RELCH: variants seen among roughly 807,000 people sequenced by gnomAD.
RELCH encodes the protein RAB11-binding protein RELCH.
A neutral mutation model predicts 150.3 loss-of-function variants in RELCH; 41 were observed. That is an observed-to-expected ratio of 0.27 (90% CI 0.21 to 0.35). The LOEUF is 0.35. Among genes scored for constraint, RELCH ranks in the 10% least tolerant of loss-of-function variants. RELCH has a pLI of 1.00. For missense variants in RELCH, 1,092 were observed against 1,467.8 expected, an observed-to-expected ratio of 0.74 and a Z score of 4.18; for synonymous variants, 478 against 531.8, an observed-to-expected ratio of 0.90 and a Z score of 1.39.
At position 62,228,527 on chromosome 18, in the gene RELCH, G is replaced by A. The variant is rs779443028; in HGVS notation, c.1377G>A (p.Arg459=). ...PKENSPNSFP[R]REREGMPPSS... ...AGAATTCCCCAAATTCATTCCCCAG[G>A]AGAGAAAGAGAAGGAATGCCACCTT... Residue 459 remains arginine, a synonymous_variant, in exon 8 of 29, where the codon AGG becomes AGA. Transcript: ENST00000644646. The A allele has an allele frequency of 1.5e-5, 24 of 1,612,872 alleles. No individual in the cohort carries two copies. The East Asian group carries it at 3.8e-4, about 26-fold the overall frequency.
intron 27 of RELCH, among the ~76,000 whole-genome samples, chr18:62,293,106 G>A (rs948183367): frequency 5.9e-5 from 9 of 152,038 alleles, no homozygotes; most frequent in South Asian, 4.2e-4. Flanking sequence ...ATATAACATC[G>A]TCTTTTCTTC....
At chr18:62,211,864 T>C (rs1456555526) in intron 2 of RELCH, among the ~76,000 whole-genome samples, 2 of 152,178 alleles carry the variant, frequency 1.3e-5, no homozygotes, top group African/African-American at 2.4e-5. Context: ...CCCTGAGTGC[T>C]CACCAACCAT....
intron 12 of RELCH, 93 bp downstream of exon 12, chr18:62,252,847 G>A (rs2042792390): frequency 2.3e-6 from 2 of 866,736 alleles, no homozygotes; most frequent in Admixed American, 4.2e-5. Flanking sequence ...TAAGAAATAT[G>A]TGGGATATAA....
chr18:62,291,425 G>A (rs1010687446), intron 26 of RELCH, 118 bp from the exon 27 acceptor site: 1 of 535,316 alleles, frequency 1.9e-6, no homozygotes, highest in Non-Finnish European at 3.3e-6. Flanking sequence ...TACCCTGAGT[G>A]ATCACTATGC....
chr18:62,272,782 T>C (rs1435747353), intron 20 of RELCH, among the ~76,000 whole-genome samples: 2 of 151,946 alleles, frequency 1.3e-5, no homozygotes, highest in East Asian at 3.8e-4. Context: ...TTTAGAAGTC[T>C]TATTTTATAG....
intron 22 of RELCH, chr18:62,275,701 A>G (rs1160965939): frequency 1.7e-5 from 6 of 357,758 alleles, no homozygotes; most frequent in East Asian, 1.5e-4. Flanking sequence ...ATGTTATTCA[A>G]TTATCACTTT....
intron 8 of RELCH, among the ~76,000 whole-genome samples, chr18:62,229,020 A>G (rs759236302): frequency 6.6e-5 from 10 of 151,482 alleles, no homozygotes; most frequent in Non-Finnish European, 1.5e-4. Context: ...GTCTGCTTCC[A>G]TTACAAATAT....
chr18:62,244,958 A>T (rs2042327491), intron 11 of RELCH, 82 bp downstream of exon 11: 1 of 892,698 alleles, frequency 1.1e-6, no homozygotes, highest in Non-Finnish European at 1.8e-6. Flanking sequence ...TTAGCATTTG[A>T]ATCTAAAATG....
chr18:62,229,363 A>G (rs910037774), intron 8 of RELCH, among the ~76,000 whole-genome samples: 1 of 152,098 alleles, frequency 6.6e-6, no homozygotes. Flanking sequence ...TGAGCATATA[A>G]TAGAAAAGCA....
intron 20 of RELCH, among the ~76,000 whole-genome samples, chr18:62,273,444 A>G (rs918426935): frequency 1.3e-5 from 2 of 152,054 alleles, no homozygotes; most frequent in African/African-American, 4.8e-5. Flanking sequence ...ATTTTCTACT[A>G]TTTTTTCTAC....
intron 10 of RELCH, among the ~76,000 whole-genome samples, chr18:62,238,228 T>C (rs2041972607): frequency 6.6e-6 from 1 of 151,940 alleles, no homozygotes; most frequent in Non-Finnish European, 1.5e-5. Flanking sequence ...GTAATCTTTA[T>C]TATTTCCTTC....
intron 1 of RELCH, among the ~76,000 whole-genome samples, chr18:62,193,339 T>C (rs934040483): frequency 6.6e-6 from 1 of 152,222 alleles, no homozygotes; most frequent in African/African-American, 2.4e-5. Context: ...CCTCGCCTCC[T>C]ATTTGAATAC....
chr18:62,259,467 A>G (rs868451354), intron 15 of RELCH, among the ~76,000 whole-genome samples: 10 of 151,848 alleles, frequency 6.6e-5, no homozygotes, highest in Non-Finnish European at 4.4e-5. Context: ...TAAAACACTG[A>G]TGAAAGAAAT....
intron 1 of RELCH, among the ~76,000 whole-genome samples, chr18:62,191,451 CA>C (rs1316129498): frequency 2.0e-5 from 3 of 152,104 alleles, no homozygotes; most frequent in Non-Finnish European, 4.4e-5. Flanking sequence ...TTCCAGGGTA[CA>C]TGTGCAGGGT....
At chr18:62,245,636 CA>C (rs2042370226) in intron 11 of RELCH, among the ~76,000 whole-genome samples, 1 of 151,898 alleles carries the variant, frequency 6.6e-6, no homozygotes, top group Admixed American at 6.6e-5. Flanking sequence ...TCAAAAAAAA[CA>C]AAAAGTTAAG....
At chr18:62,269,397 A>ATTT in intron 20 of RELCH, 2 of 406,210 alleles carry the variant, frequency 4.9e-6, no homozygotes, top group South Asian at 1.8e-5. Context: ...CAGATTTTGG[A>ATTT]TTTTTTTTTT....
intron 2 of RELCH, among the ~76,000 whole-genome samples, chr18:62,218,333 C>A (rs1398007460): frequency 6.6e-6 from 1 of 151,666 alleles, no homozygotes; most frequent in Non-Finnish European, 1.5e-5. Context: ...TTCTTCAGAC[C>A]AGTGTTATGG....
intron 26 of RELCH, among the ~76,000 whole-genome samples, chr18:62,290,801 C>G (rs1490861321): frequency 6.6e-6 from 1 of 152,184 alleles, no homozygotes; most frequent in Non-Finnish European, 1.5e-5. Flanking sequence ...CCAACTCAAT[C>G]AGGACCTATA....
rs1413197833 is a variant in RELCH, at chr18:62,187,666, C to G, written c.161C>G (p.Ser54Trp). The G allele has an allele frequency of 1.3e-6, 2 of 1,563,584 alleles. No individual in the cohort carries two copies. Among genetic ancestry groups the G allele is most frequent in the Admixed American group, 1.9e-5 (1 of 54,040 alleles). The change falls in exon 1 of 29, where the codon TCG becomes TGG. Residue 54 changes from serine (S) to tryptophan (W), a missense_variant. Coordinates refer to ENST00000644646, the MANE Select transcript of RELCH (RefSeq NM_001346231.2). Reference sequence around the variant, plus strand: ...GGCCTAGATCCTGGCTCTGCGGGCTCGCTGTCGCCACAGGATCCCGTGGCC... The same window carrying G: ...GGCCTAGATCCTGGCTCTGCGGGCTGGCTGTCGCCACAGGATCCCGTGGCC... Reference protein sequence around the residue: ...GSGLDPGSAGSLSPQDPVALG... With the variant: ...GSGLDPGSAGWLSPQDPVALG...
Sources: gnomAD v4.1 joint callset for allele counts (sites outside exome capture counted in the v4.1 genomes callset) on GRCh38, gnomAD v4.1.1 for gene constraint, MANE v1.5 for transcripts, NCBI Gene and HGNC (gene_info 2026-07-23, HGNC 2026-07-21) for gene names.